SBF1: variants seen among roughly 807,000 people sequenced by gnomAD.
The protein encoded by SBF1 is SET binding factor 1.
Under a neutral mutation model 215.8 loss-of-function variants are expected in SBF1, and 65 were observed. That is an observed-to-expected ratio of 0.30 (90% CI 0.25 to 0.37). The LOEUF (loss-of-function observed/expected upper bound fraction) is 0.37. SBF1 is among the 10% of genes least tolerant of loss of function. The probability of loss-of-function intolerance (pLI) is 1.00; values close to 1 mark genes in which losing one functional copy is unlikely to be tolerated. For missense variants in SBF1, 2,634 were observed against 2,667.8 expected, an observed-to-expected ratio of 0.99 and a Z score of 0.28; for synonymous variants, 1,410 against 1,122.8, an observed-to-expected ratio of 1.26 and a Z score of -5.11.
At chr22:50,472,889 C>T (rs2068044342) in intron 1 of SBF1, among the ~76,000 whole-genome samples, 1 of 152,208 alleles carries the variant, frequency 6.6e-6, no homozygotes, top group African/African-American at 2.4e-5. Flanking sequence ...AGCTCAACCC[C>T]AGAAGGTAGT....
At chr22:50,458,916 G>C (rs1281056396) in intron 28 of SBF1, among the ~76,000 whole-genome samples, 1 of 152,216 alleles carries the variant, frequency 6.6e-6, no homozygotes, top group Admixed American at 6.5e-5. Context: ...GGAGCATCTG[G>C]GATGTTTCCA....
chr22:50,471,929 C>G (rs1367160865), intron 1 of SBF1, among the ~76,000 whole-genome samples: 3 of 152,242 alleles, frequency 2.0e-5, no homozygotes, highest in African/African-American at 7.2e-5. Context: ...CCAAGGGGTC[C>G]AGCCCCTCCT....
In SBF1 at chr22:50,448,250, T is replaced by C. The variant is rs1239182937; in HGVS notation, c.5346A>G (p.Thr1782=). 1 of 1,612,528 alleles carries C rather than the reference T, an allele frequency of 6.2e-7. No homozygotes were observed. Residue 1782 remains threonine, a synonymous_variant, in exon 38 of 41, where the codon ACA becomes ACG. Transcript: ENST00000380817. ...CCTCATACCTGTTCTCACTCTCTGC[T>C]GTCTGGAACTGGCTGTACAGGGTGC... The part of the protein sequence containing the change: ...STSTLYSQFQ[T]AESENRSYEG...
rs139179616 is a variant in SBF1, at chr22:50,451,984, C to T, written c.5043+2528G>A. On this transcript the variant is annotated intron_variant, in intron 36 of 40. Coordinates refer to ENST00000380817, the MANE Select transcript of SBF1 (RefSeq NM_002972.4). ...GCTCATTTTTATATTTTAGTAGAGA[C>T]GGGGTTTCACCATATTTGCCAGGCT... Among the ~76,000 whole-genome samples, 75 of 151,778 alleles carry T rather than the reference C, an allele frequency of 4.9e-4. No individual in the cohort carries two copies. In the East Asian group the frequency reaches 0.011, roughly 22 times the overall value.
At chr22:50,473,806 T>C (rs1327095153) in intron 1 of SBF1, among the ~76,000 whole-genome samples, 2 of 152,182 alleles carry the variant, frequency 1.3e-5, no homozygotes, top group Non-Finnish European at 2.9e-5. Flanking sequence ...AGTCTGCAGC[T>C]GGGATCTGAC....
chr22:50,456,329 C>G lies in SBF1; in HGVS notation c.4153G>C (p.Val1385Leu), dbSNP rs1182904800. The part of the protein sequence containing the change: ...VPIEVFEARQ[V>L]KASFKKLLKA... The stretch of plus-strand genomic sequence containing the variant: ...AGCAGCTTCTTGAAGCTAGCCTTCA[C>G]CTGCCGTGCCTCGAATACCTCAATG... Residue 1385 changes from valine to leucine, a missense_variant, in exon 31 of 41, where the codon GTG becomes CTG. By Grantham distance (32) the Val-to-Leu change is conservative. Coordinates refer to ENST00000380817, the MANE Select transcript of SBF1 (RefSeq NM_002972.4). 6 of 1,613,294 alleles carry G rather than the reference C, an allele frequency of 3.7e-6. No homozygotes were observed. Among genetic ancestry groups the G allele is most frequent in the Non-Finnish European group, 4.2e-6 (5 of 1,180,004 alleles).
chr22:50,463,858 A>G (rs1466281869), intron 15 of SBF1, among the ~76,000 whole-genome samples: 1 of 152,210 alleles, frequency 6.6e-6, no homozygotes, highest in East Asian at 1.9e-4. Context: ...CCAATGAAAA[A>G]CAAGAGTCTC....
rs752195167 is a variant in SBF1 at position 50,462,491 on chromosome 22, G to C, written c.2128-18C>G. Reference sequence around the variant, plus strand: ...CCAACCTCCTGCCACGGCACCACACGCATGAGCCGGGGCCACGCTGCCCCA... The same window carrying C: ...CCAACCTCCTGCCACGGCACCACACCCATGAGCCGGGGCCACGCTGCCCCA... On this transcript the variant is annotated intron_variant, in intron 18 of 40. Coordinates refer to ENST00000380817, the MANE Select transcript of SBF1 (RefSeq NM_002972.4). 1.2e-6 allele frequency: 2 copies of C among 1,612,520 alleles called. No homozygotes were observed. Among genetic ancestry groups the C allele is most frequent in the Non-Finnish European group, 8.5e-7 (1 of 1,179,576 alleles).
chr22:50,459,699 C>A, intron 26 of SBF1, 33 bp from the exon 27 acceptor site: 1 of 1,551,226 alleles, frequency 6.4e-7, no homozygotes. Flanking sequence ...AGGTGGCTGG[C>A]GACCCCACCC....
At chr22:50,457,310 G>A (rs1038406931) in intron 28 of SBF1, 199 bp from the exon 29 acceptor site, 13 of 460,060 alleles carry the variant, frequency 2.8e-5, no homozygotes, top group African/African-American at 8.1e-5. Flanking sequence ...AGGGCAGGCC[G>A]CAGAGCACTC....
Position 50,465,802 on chromosome 22 carries a change from G to A in SBF1, c.1050C>T (p.Phe350=), listed in dbSNP as rs759577723. ...DPELELADLA[F]PPPTTSTSSL... is the part of the protein sequence containing the mutation. ...AGGAGGTGGATGTCGTGGGCGGAGG[G>A]AAGGCGAGGTCAGCCAACTCCAGCT... is the stretch of plus-strand genomic sequence containing the variant. Residue 350 remains phenylalanine, a synonymous_variant, in exon 10 of 41, where the codon TTC becomes TTT. Transcript: ENST00000380817. The A allele has an allele frequency of 3.1e-6, 5 of 1,611,684 alleles. No homozygotes were observed. The highest frequency in any genetic ancestry group is 2.2e-5 in the East Asian group (1 of 44,850).
chr22:50,452,087 C>T (rs914099792), intron 36 of SBF1, among the ~76,000 whole-genome samples: 7 of 150,170 alleles, frequency 4.7e-5, no homozygotes, highest in East Asian at 2.0e-4. Flanking sequence ...TGAGCCGCTG[C>T]GCCCAGCCTA....
intron 21 of SBF1, 26 bp from the exon 22 acceptor site, chr22:50,461,744 C>T (rs2067522419): frequency 6.2e-7 from 1 of 1,609,962 alleles, no homozygotes; most frequent in African/African-American, 1.3e-5. Flanking sequence ...AGCAGGAGCT[C>T]AGGATGCAGC....
rs1296408791 is a variant in SBF1, at chr22:50,455,138, T to C, written c.4559A>G (p.His1520Arg). The C allele has an allele frequency of 6.2e-7, 1 of 1,611,426 alleles. No homozygotes were observed. Among genetic ancestry groups the C allele is most frequent in the Non-Finnish European group, 8.5e-7 (1 of 1,179,284 alleles). The change falls in exon 34 of 41, where the codon CAC (histidine) becomes CGC (arginine). Residue 1520 changes from histidine (H) to arginine (R), a missense_variant. Transcript: ENST00000380817. ...CTCAAACTCCATGGGGAACTGCAGG[T>C]GGACCTGCACGCCATGTGGGTCAGG... is the stretch of plus-strand genomic sequence containing the variant. ...LQFLDCVHQV[H>R]LQFPMEFEFS...
At chr22:50,454,361 T>A in intron 36 of SBF1, 151 bp downstream of exon 36, 1 of 687,102 alleles carries the variant, frequency 1.5e-6, no homozygotes, top group East Asian at 2.7e-5. Context: ...AGTAGGCAGT[T>A]CACATGGTGG....
At chr22:50,465,897 G>A (rs772974307) in intron 9 of SBF1, 57 bp from the exon 10 acceptor site, 56 of 1,610,064 alleles carry the variant, frequency 3.5e-5, no homozygotes, top group Admixed American at 5.0e-5. Flanking sequence ...TAGGCTCCCC[G>A]TGCTGCCAGG....
rs765757476 is a variant in SBF1, at chr22:50,462,515, CAGCCCCT to C, written c.2127+37_2127+43del. 12,116 of 1,611,114 alleles carry C rather than the reference CAGCCCCT, an allele frequency of 7.5e-3. 52 individuals are homozygous for C. Among genetic ancestry groups the C allele is most frequent in the Non-Finnish European group, 8.6e-3 (10,132 of 1,179,128 alleles). Reference sequence around the variant, plus strand: ...CGCATGAGCCGGGGCCACGCTGCCCCAGCCCCTAGCCCCCAGCCCCCAGCCCAGGGAG... The same window carrying C: ...CGCATGAGCCGGGGCCACGCTGCCCCAGCCCCCAGCCCCCAGCCCAGGGAG... On this transcript the variant is annotated intron_variant, in intron 18 of 40. Coordinates refer to ENST00000380817, the MANE Select transcript of SBF1 (RefSeq NM_002972.4).
chr22:50,466,715 A>C lies in SBF1; in HGVS notation c.550-5T>G. ...AGCCCCCAAAGAGATCGTCCTCTGC[A>C]GCAAAAAAAGGATCGGGGCTCAGTA... On this transcript the variant is annotated splice_polypyrimidine_tract_variant and splice_region_variant and intron_variant, in intron 5 of 40. Transcript: ENST00000380817. 6.6e-7 allele frequency: 1 copy of C among 1,519,878 alleles called. No individual in the cohort carries two copies. The highest frequency in any genetic ancestry group is 1.2e-5 in the South Asian group (1 of 81,136). 94.1% of individuals were successfully genotyped at this position (1,519,878 alleles called of 1,614,324 possible). A position where few individuals can be genotyped will look rare whatever the true frequency, so the allele number is the denominator to read the frequency against.
At chr22:50,467,224 G>A (rs768039659) in intron 5 of SBF1, 114 bp downstream of exon 5, 3 of 830,024 alleles carry the variant, frequency 3.6e-6, no homozygotes, top group East Asian at 2.5e-5. Context: ...GGACGCAAGA[G>A]GGAGCATCCA....
Sources: gnomAD v4.1 joint callset for allele counts (sites outside exome capture counted in the v4.1 genomes callset) on GRCh38, gnomAD v4.1.1 for gene constraint, MANE v1.5 for transcripts, NCBI Gene and HGNC (gene_info 2026-07-23, HGNC 2026-07-21) for gene names.